Variants in DAB1 observed in about 807,000 individuals in gnomAD.
DAB1 encodes DAB adaptor protein 1, also known as disabled homolog 1.
In DAB1, 15 loss-of-function variants were observed where a neutral mutation model predicts 64.6. That is an observed-to-expected ratio of 0.23 (90% CI 0.16 to 0.36). The LOEUF (loss-of-function observed/expected upper bound fraction) is 0.36, where lower values mean the gene tolerates loss of function less well. Among genes scored for constraint, DAB1 ranks in the 10% least tolerant of loss-of-function variants. DAB1 has a pLI of 1.00. For missense variants in DAB1, 596 were observed against 706.7 expected, an observed-to-expected ratio of 0.84 and a Z score of 1.78; for synonymous variants, 235 against 251.9, an observed-to-expected ratio of 0.93 and a Z score of 0.64.
At chr1:57,954,811 T>C (rs1239153767) in intron 5 of DAB1, among the ~76,000 whole-genome samples, 1 of 151,996 alleles carries the variant, frequency 6.6e-6, no homozygotes, top group Non-Finnish European at 1.5e-5. Context: ...TTTTGTGTAG[T>C]GCTCTGTGGT....
At chr1:57,852,500 G>A (rs1053530146) in intron 1 of DAB1, among the ~76,000 whole-genome samples, 1 of 152,164 alleles carries the variant, frequency 6.6e-6, no homozygotes, top group East Asian at 2.0e-4. Flanking sequence ...AGAACCATCC[G>A]TGGTGAATGC....
chr1:57,679,408 A>C (rs946091751), intron 6 of DAB1, among the ~76,000 whole-genome samples: 2 of 152,228 alleles, frequency 1.3e-5, no homozygotes, highest in African/African-American at 4.8e-5. Context: ...TGAAGACTCC[A>C]GAACAGGGAA....
intron 2 of DAB1, among the ~76,000 whole-genome samples, chr1:57,192,819 A>G (rs918935530): frequency 6.6e-6 from 1 of 152,138 alleles, no homozygotes; most frequent in African/African-American, 2.4e-5. Flanking sequence ...ATATCATGAA[A>G]TTCATCATTT....
chr1:57,598,727 A>G (rs926486579), intron 7 of DAB1, among the ~76,000 whole-genome samples: 2 of 152,140 alleles, frequency 1.3e-5, no homozygotes, highest in African/African-American at 4.8e-5. Context: ...AAAGCTTCCG[A>G]GAGACAGTCT....
chr1:57,125,414 T>G (rs1657049414), intron 4 of DAB1, among the ~76,000 whole-genome samples: 1 of 152,230 alleles, frequency 6.6e-6, no homozygotes, highest in East Asian at 1.9e-4. Context: ...TTTCCTTTCC[T>G]GTCAATCTGC....
intron 6 of DAB1, among the ~76,000 whole-genome samples, chr1:57,718,207 A>T (rs939510973): frequency 3.3e-5 from 5 of 152,234 alleles, no homozygotes; most frequent in Non-Finnish European, 7.3e-5. Flanking sequence ...TTGATACAGT[A>T]ATTACCCTCA....
chr1:58,126,129 C>T (rs1409031722), intron 5 of DAB1, among the ~76,000 whole-genome samples: 1 of 152,190 alleles, frequency 6.6e-6, no homozygotes, highest in Non-Finnish European at 1.5e-5. Flanking sequence ...TAAAATCAGT[C>T]TGACCTTTTC....
intron 5 of DAB1, among the ~76,000 whole-genome samples, chr1:58,074,786 A>G (rs1649537677): frequency 6.6e-6 from 1 of 151,988 alleles, no homozygotes; most frequent in Non-Finnish European, 1.5e-5. Flanking sequence ...TTGCCACAGC[A>G]GTAACTAGAA....
intron 2 of DAB1, among the ~76,000 whole-genome samples, chr1:57,243,749 A>G (rs1668665750): frequency 6.6e-6 from 1 of 152,146 alleles, no homozygotes; most frequent in Non-Finnish European, 1.5e-5. Context: ...GGCACTGCCT[A>G]CACCATGAGA....
chr1:58,200,617 T>G (rs1471847441), intron 4 of DAB1, among the ~76,000 whole-genome samples: 1 of 152,214 alleles, frequency 6.6e-6, no homozygotes, highest in Non-Finnish European at 1.5e-5. Context: ...TATAAATCAC[T>G]CAAGTAAGGT....
At chr1:57,300,976 T>C (rs1370376595) in intron 1 of DAB1, among the ~76,000 whole-genome samples, 1 of 151,766 alleles carries the variant, frequency 6.6e-6, no homozygotes, top group Non-Finnish European at 1.5e-5. Context: ...ATGGTGCTTG[T>C]CCAGGAATCA....
intron 5 of DAB1, among the ~76,000 whole-genome samples, chr1:57,931,189 T>G (rs746849197): frequency 2.0e-5 from 3 of 152,218 alleles, no homozygotes; most frequent in Admixed American, 6.5e-5. Context: ...CTTTGCATAC[T>G]TAGGATAAAT....
At position 58,274,969 on chromosome 1, in the gene DAB1, C is replaced by A. The variant is rs547195388; in HGVS notation, n.309+68383G>T. Among the ~76,000 whole-genome samples, 1,064 of 151,944 alleles carry A rather than the reference C, an allele frequency of 7.0e-3. 14 individuals carry two copies. Among genetic ancestry groups the A allele is most frequent in the African/African-American group, 0.024 (1,004 of 41,414 alleles). ...AAATGCAGAAATCACCGGTCTTCTGCATCGCTCACGCTGGGAGCTGTAGAC... is the reference window on the plus strand; with the variant it reads ...AAATGCAGAAATCACCGGTCTTCTGAATCGCTCACGCTGGGAGCTGTAGAC... On this transcript the variant is annotated intron_variant and non_coding_transcript_variant, in intron 4 of 20. Coordinates refer to the DAB1 transcript ENST00000485760.
At chr1:57,813,040 C>A (rs769868029) in intron 6 of DAB1, among the ~76,000 whole-genome samples, 1 of 152,136 alleles carries the variant, frequency 6.6e-6, no homozygotes, top group Non-Finnish European at 1.5e-5. Context: ...TGAATACACA[C>A]ACATAAGAAT....
chr1:57,898,596 A>G (rs72918595), intron 5 of DAB1, among the ~76,000 whole-genome samples: 1,616 of 152,228 alleles, frequency 0.011, 22 homozygotes, highest in African/African-American at 0.036. Flanking sequence ...ATATCAGGGA[A>G]CAAATATAGT....
chr1:57,612,850 G>A (rs1004481663), intron 7 of DAB1, among the ~76,000 whole-genome samples: 10 of 151,966 alleles, frequency 6.6e-5, no homozygotes, highest in African/African-American at 2.4e-4. Flanking sequence ...TCCTAGAATA[G>A]TGCTTAGATC....
chr1:57,364,952 G>C (rs1679856546), intron 1 of DAB1, among the ~76,000 whole-genome samples: 1 of 149,044 alleles, frequency 6.7e-6, no homozygotes, highest in Non-Finnish European at 1.5e-5. Context: ...TGCTATGAAG[G>C]AAAGGCCTTA....
chr1:58,032,568 T>G (rs1437761628), intron 5 of DAB1, among the ~76,000 whole-genome samples: 1 of 152,186 alleles, frequency 6.6e-6, no homozygotes, highest in Non-Finnish European at 1.5e-5. Flanking sequence ...CTATCCCATC[T>G]AATCCCCATG....
rs541566979 is a variant in DAB1, at chr1:57,164,956, T to C, written c.68-19527A>G. On this transcript the variant is annotated intron_variant, in intron 2 of 14. Transcript: ENST00000371236. ...TATCTGGTGGCAGGGAGACAGTTAC[T>C]CTGTACTTGCTGAAGGGAAGGGATG... Among the ~76,000 whole-genome samples the C allele has an allele frequency of 7.0e-4, 106 of 152,322 alleles. 1 individual carries two copies. The highest frequency in any genetic ancestry group is 1.5e-3 in the South Asian group (7 of 4,820).
Sources: gnomAD v4.1 joint callset for allele counts (sites outside exome capture counted in the v4.1 genomes callset) on GRCh38, gnomAD v4.1.1 for gene constraint, MANE v1.5 for transcripts, NCBI Gene and HGNC (gene_info 2026-07-23, HGNC 2026-07-21) for gene names.